The following EVA1C variants were observed in gnomAD, a reference collection of about 807,000 sequenced individuals.
EVA1C encodes eva-1 homolog C.
EVA1C carries 25 observed loss-of-function variants against 45.4 expected under a neutral mutation model. The observed-to-expected ratio is 0.55, with a 90% CI of 0.40 to 0.77. The LOEUF (loss-of-function observed/expected upper bound fraction) is 0.77, where lower values mean the gene tolerates loss of function less well. EVA1C is among the 30% of genes least tolerant of loss of function. The pLI, the probability that EVA1C is intolerant of heterozygous loss-of-function variation, is 0.00. For synonymous variants in EVA1C, 190 were observed against 221.2 expected, an observed-to-expected ratio of 0.86 and a Z score of 1.25; for missense variants, 479 against 554.8, an observed-to-expected ratio of 0.86 and a Z score of 1.37.
intron 3 of EVA1C, among the ~76,000 whole-genome samples, chr21:32,466,418 CAA>C (rs201044286): frequency 0.011 from 927 of 85,012 alleles, 8 homozygotes; most frequent in Non-Finnish European, 0.014. Context: ...GATTCCGTCT[CAA>C]AAAAAAAAAA....
chr21:32,444,792 G>A (rs1474723366), intron 1 of EVA1C, among the ~76,000 whole-genome samples: 2 of 151,560 alleles, frequency 1.3e-5, no homozygotes, highest in Non-Finnish European at 1.5e-5. Context: ...GCTAGCTAGG[G>A]GCTGCCAGCC....
At chr21:32,447,439 A>G (rs1371695702) in intron 1 of EVA1C, among the ~76,000 whole-genome samples, 2 of 152,272 alleles carry the variant, frequency 1.3e-5, no homozygotes, top group Admixed American at 1.3e-4. Flanking sequence ...TTATCTGTAC[A>G]CATACATATA....
intron 7 of EVA1C, among the ~76,000 whole-genome samples, chr21:32,506,369 T>C (rs1395458311): frequency 6.6e-6 from 1 of 151,008 alleles, no homozygotes; most frequent in African/African-American, 2.4e-5. Flanking sequence ...CAATATTTGC[T>C]ATTTATAAGA....
intron 4 of EVA1C, among the ~76,000 whole-genome samples, chr21:32,473,401 T>C (rs1463177344): frequency 6.6e-6 from 1 of 152,228 alleles, no homozygotes; most frequent in Non-Finnish European, 1.5e-5. Flanking sequence ...ACTCGGCCTG[T>C]TCTCCCCAGA....
At chr21:32,448,027 T>C (rs1207526878) in intron 1 of EVA1C, among the ~76,000 whole-genome samples, 1 of 152,112 alleles carries the variant, frequency 6.6e-6, no homozygotes, top group Admixed American at 6.6e-5. Context: ...TTTCAACCTT[T>C]TCCGAACAAG....
intron 3 of EVA1C, among the ~76,000 whole-genome samples, chr21:32,461,031 C>T (rs1363396074): frequency 6.6e-6 from 1 of 152,210 alleles, no homozygotes; most frequent in African/African-American, 2.4e-5. Context: ...CAGGCGTGAA[C>T]CACAGTGCCC....
Position 32,514,930 on chromosome 21 carries a change from C to G in EVA1C, c.1066C>G (p.Leu356Val). The change falls in exon 8 of 8, where the codon CTG (leucine) becomes GTG (valine). Residue 356 changes from leucine to valine, a missense_variant. Coordinates refer to ENST00000300255, the MANE Select transcript of EVA1C (RefSeq NM_058187.5). ...SCAKDFRDLQ[L>V]GREQLVPGSD... ...TGCCAAGGACTTCCGCGACTTGCAG[C>G]TGGGGAGGGAGCAGCTGGTGCCAGG... 1 of 1,614,140 alleles carries G rather than the reference C, an allele frequency of 6.2e-7. No individual in the cohort carries two copies. Among genetic ancestry groups the G allele is most frequent in the African/African-American group, 1.3e-5 (1 of 75,038 alleles).
intron 6 of EVA1C, among the ~76,000 whole-genome samples, chr21:32,503,030 G>A (rs934686837): frequency 6.6e-6 from 1 of 152,226 alleles, no homozygotes; most frequent in Non-Finnish European, 1.5e-5. Flanking sequence ...TCTCCTCAAA[G>A]GCATCTGTCC....
At position 32,514,952 on chromosome 21, in the gene EVA1C, C is replaced by T; in HGVS notation, c.1088C>T (p.Pro363Leu). The T allele has an allele frequency of 6.2e-7, 1 of 1,614,062 alleles. No homozygotes were observed. Among genetic ancestry groups the T allele is most frequent in the South Asian group, 1.1e-5 (1 of 91,076 alleles). The change falls in exon 8 of 8, where the codon CCA becomes CTA. Residue 363 changes from proline (P) to leucine (L), a missense_variant. Pro to Leu is a moderately conservative substitution (Grantham distance 98). Coordinates refer to ENST00000300255, the MANE Select transcript of EVA1C (RefSeq NM_058187.5). ...CAGCTGGGGAGGGAGCAGCTGGTGC[C>T]AGGAAGTGACAAGGTCGAGGAGGAC... ...DLQLGREQLVPGSDKVEEDSE... is the reference protein window; with the variant it reads ...DLQLGREQLVLGSDKVEEDSE...
chr21:32,444,050 G>GAA (rs1345056750), intron 1 of EVA1C, among the ~76,000 whole-genome samples: 12 of 124,176 alleles, frequency 9.7e-5, no homozygotes, highest in African/African-American at 1.3e-4. Flanking sequence ...CCAATTGTGT[G>GAA]AAAACACACA....
At chr21:32,514,171 G>C (rs1375139062) in intron 7 of EVA1C, among the ~76,000 whole-genome samples, 1 of 152,170 alleles carries the variant, frequency 6.6e-6, no homozygotes, top group Non-Finnish European at 1.5e-5. Flanking sequence ...GAGTGTGGGG[G>C]AGGGGTCCTG....
At chr21:32,486,437 CT>C (rs1326235110) in intron 4 of EVA1C, among the ~76,000 whole-genome samples, 1 of 152,112 alleles carries the variant, frequency 6.6e-6, no homozygotes, top group Non-Finnish European at 1.5e-5. Context: ...TACTGTTGTT[CT>C]TGACTAACTT....
intron 4 of EVA1C, among the ~76,000 whole-genome samples, chr21:32,488,218 G>T (rs555870502): frequency 1.4e-4 from 22 of 152,188 alleles, no homozygotes; most frequent in Non-Finnish European, 2.9e-4. Flanking sequence ...GACCTGAATA[G>T]ACATTTCTCC....
At chr21:32,475,699 T>G (rs1388845520) in intron 4 of EVA1C, among the ~76,000 whole-genome samples, 1 of 152,128 alleles carries the variant, frequency 6.6e-6, no homozygotes, top group African/African-American at 2.4e-5. Context: ...TGGCCAGATA[T>G]TTTTCATTTT....
At chr21:32,458,874 C>A (rs115260157) in intron 3 of EVA1C, among the ~76,000 whole-genome samples, 2 of 152,042 alleles carry the variant, frequency 1.3e-5, no homozygotes, top group Non-Finnish European at 2.9e-5. Flanking sequence ...CCTGGTTCCC[C>A]GAGACCCTGG....
chr21:32,451,555 AC>A (rs2035581601), intron 1 of EVA1C, among the ~76,000 whole-genome samples: 1 of 152,124 alleles, frequency 6.6e-6, no homozygotes, highest in South Asian at 2.1e-4. Context: ...GTCTGCTGCA[AC>A]CCCTTTCCTA....
At chr21:32,463,037 G>A (rs972614833) in intron 3 of EVA1C, among the ~76,000 whole-genome samples, 20 of 152,274 alleles carry the variant, frequency 1.3e-4, no homozygotes, top group Admixed American at 5.2e-4. Flanking sequence ...GGGTCTCCCC[G>A]ACCGAGCTGG....
chr21:32,439,528 A>C (rs1217369342), intron 1 of EVA1C, among the ~76,000 whole-genome samples: 1 of 152,166 alleles, frequency 6.6e-6, no homozygotes, highest in Non-Finnish European at 1.5e-5. Context: ...AAATGCTGTG[A>C]CCTTCCCTCA....
chr21:32,507,708 G>A (rs55860967), intron 7 of EVA1C, among the ~76,000 whole-genome samples: 27,940 of 151,660 alleles, frequency 0.18, 3,108 homozygotes, highest in Admixed American at 0.24. Flanking sequence ...GTATGTGCAC[G>A]TGTGTGTGCA....
Sources: gnomAD v4.1 joint callset for allele counts (sites outside exome capture counted in the v4.1 genomes callset) on GRCh38, gnomAD v4.1.1 for gene constraint, MANE v1.5 for transcripts, NCBI Gene and HGNC (gene_info 2026-07-23, HGNC 2026-07-21) for gene names.